Variants in GDI2 observed in about 807,000 individuals in gnomAD.
GDI2 encodes the protein rab GDP dissociation inhibitor beta.
A neutral mutation model predicts 54.2 loss-of-function variants in GDI2; 22 were observed. That is an observed-to-expected ratio of 0.41 (90% confidence interval 0.29 to 0.58). The LOEUF (loss-of-function observed/expected upper bound fraction) is 0.58. Among genes scored for constraint, GDI2 ranks in the 20% least tolerant of loss-of-function variants. The probability of loss-of-function intolerance (pLI) is 0.35; values close to 1 mark genes in which losing one functional copy is unlikely to be tolerated. For synonymous variants in GDI2, 177 were observed against 182.1 expected (o/e 0.97, Z 0.23); for missense variants, 422 against 546.0 (o/e 0.77, Z 2.26).
At chr10:5,800,390 T>A (rs1841242092) in intron 2 of GDI2, among the ~76,000 whole-genome samples, 1 of 152,202 alleles carries the variant, frequency 6.6e-6, no homozygotes, top group South Asian at 2.1e-4. Flanking sequence ...TATTCTCTGT[T>A]AATGCTAAGA....
intron 2 of GDI2, among the ~76,000 whole-genome samples, chr10:5,799,830 CATG>C (rs1841228441): frequency 6.6e-6 from 1 of 152,082 alleles, no homozygotes; most frequent in South Asian, 2.1e-4. Flanking sequence ...GCTCAAGCCT[CATG>C]ATGTCTTATC....
chr10:5,783,578 T>C (rs1482154758), intron 6 of GDI2, among the ~76,000 whole-genome samples: 1 of 152,202 alleles, frequency 6.6e-6, no homozygotes, highest in Non-Finnish European at 1.5e-5. Flanking sequence ...GGAGATACAA[T>C]TTTGGTATTT....
chr10:5,773,043 T>A (rs1489844298), intron 7 of GDI2, among the ~76,000 whole-genome samples: 1 of 152,096 alleles, frequency 6.6e-6, no homozygotes, highest in Non-Finnish European at 1.5e-5. Context: ...TATCAGGCGT[T>A]TTTTGCCCCA....
intron 7 of GDI2, among the ~76,000 whole-genome samples, chr10:5,772,694 G>A (rs927443320): frequency 2.6e-5 from 4 of 152,092 alleles, no homozygotes; most frequent in Admixed American, 6.6e-5. Flanking sequence ...AAGGTGGAGG[G>A]TGAAGTGAGC....
chr10:5,766,342 C>T lies in GDI2; in HGVS notation c.1137-47G>A, dbSNP rs779212242. 3.2e-6 allele frequency: 5 copies of T among 1,540,860 alleles called. No individual in the cohort carries two copies. The highest frequency in any genetic ancestry group is 1.4e-5 in the African/African-American group (1 of 73,448). On this transcript the variant is annotated intron_variant, in intron 9 of 10. Coordinates refer to ENST00000380191, the MANE Select transcript of GDI2 (RefSeq NM_001494.4). This position sits in a 1 kb window ranked among gnomAD's most constrained non-coding sequence, Gnocchi z 5.8. ...TCAGGTGAGCTGGTCCCACACCTGACCATGGCTCTGCCTGAGGTCAACTGA... is the reference window on the plus strand; with the variant it reads ...TCAGGTGAGCTGGTCCCACACCTGATCATGGCTCTGCCTGAGGTCAACTGA...
intron 6 of GDI2, among the ~76,000 whole-genome samples, chr10:5,778,787 AAAC>A (rs1840684735): frequency 6.6e-6 from 1 of 152,230 alleles, no homozygotes; most frequent in Non-Finnish European, 1.5e-5. Flanking sequence ...ACAAATCAGC[AAAC>A]AACAAAAGGA....
At position 5,771,574 on chromosome 10, in the gene GDI2, T is replaced by C. The variant is rs146002654; in HGVS notation, c.819+2268A>G. Among the ~76,000 whole-genome samples the C allele has an allele frequency of 3.4e-3, 517 of 152,338 alleles. 3 individuals are homozygous for C. The highest frequency in any genetic ancestry group is 0.012 in the African/African-American group (490 of 41,580). On this transcript the variant is annotated intron_variant, in intron 7 of 10. Coordinates refer to ENST00000380191, the MANE Select transcript of GDI2 (RefSeq NM_001494.4). Reference sequence around the variant, plus strand: ...AATGGTGTAAAAAAGTCTGTCATTATAGGTGGGTGTCCTGACAAAAAATAA... The same window carrying C: ...AATGGTGTAAAAAAGTCTGTCATTACAGGTGGGTGTCCTGACAAAAAATAA...
chr10:5,778,693 T>C (rs913111651), intron 6 of GDI2, among the ~76,000 whole-genome samples: 20 of 152,342 alleles, frequency 1.3e-4, no homozygotes, highest in Admixed American at 7.2e-4. Flanking sequence ...GGAGGAAATA[T>C]CCTTTGCTTT....
At chr10:5,777,924 G>A (rs1840662587) in intron 6 of GDI2, among the ~76,000 whole-genome samples, 1 of 152,152 alleles carries the variant, frequency 6.6e-6, no homozygotes, top group African/African-American at 2.4e-5. Context: ...AGAAAATGTG[G>A]CACATATACA....
Position 5,778,207 on chromosome 10 carries a change from C to T in GDI2, c.720-4266G>A, listed in dbSNP as rs1270609050. Among the ~76,000 whole-genome samples, 4 of 152,132 alleles carry T rather than the reference C, an allele frequency of 2.6e-5. No homozygotes were observed. The East Asian group carries it at 7.7e-4, about 29-fold the overall frequency. ...TGATGGGTTGATGAGCACAGCAAAACACCATGGCACATGTATACCTATGTA... is the reference window on the plus strand; with the variant it reads ...TGATGGGTTGATGAGCACAGCAAAATACCATGGCACATGTATACCTATGTA... On this transcript the variant is annotated intron_variant, in intron 6 of 10. Transcript: ENST00000380191.
At chr10:5,785,533 G>A (rs947698949) in intron 5 of GDI2, among the ~76,000 whole-genome samples, 31 of 151,882 alleles carry the variant, frequency 2.0e-4, no homozygotes, top group African/African-American at 7.0e-4. Flanking sequence ...CACCACTACC[G>A]CCCAACTAAT....
intron 1 of GDI2, 114 bp from the exon 2 acceptor site, chr10:5,800,819 C>T (rs1264636538): frequency 4.5e-6 from 3 of 670,604 alleles, no homozygotes; most frequent in Non-Finnish European, 8.1e-6. Context: ...TATATTCATG[C>T]AACATGACAT....
At chr10:5,809,919 G>A (rs184311569) in intron 1 of GDI2, among the ~76,000 whole-genome samples, 51 of 152,264 alleles carry the variant, frequency 3.3e-4, no homozygotes, top group African/African-American at 1.2e-3. Flanking sequence ...GCTTAACGCT[G>A]GTTTAAACTG....
intron 6 of GDI2, among the ~76,000 whole-genome samples, chr10:5,782,863 G>A (rs564710163): frequency 2.0e-5 from 3 of 152,332 alleles, no homozygotes; most frequent in East Asian, 3.9e-4. Context: ...AACCCAGGGG[G>A]TGGAGGTTGC....
chr10:5,781,126 G>A (rs1205406460), intron 6 of GDI2, among the ~76,000 whole-genome samples: 51 of 151,528 alleles, frequency 3.4e-4, no homozygotes, highest in Admixed American at 3.0e-3. Flanking sequence ...ACCTAGAAAA[G>A]GAAGTCTTTC....
chr10:5,792,703 CAGA>C lies in GDI2; in HGVS notation c.388+2179_388+2181del, dbSNP rs571374278. 3.2e-4 allele frequency among the ~76,000 whole-genome samples: 40 copies of C among 124,124 alleles called. No homozygotes were observed. In the East Asian group the frequency reaches 7.2e-3, roughly 22 times the overall value. 81.4% of individuals were successfully genotyped at this position (124,124 alleles called of 152,430 possible). On this transcript the variant is annotated intron_variant, in intron 4 of 10. Coordinates refer to ENST00000380191, the MANE Select transcript of GDI2 (RefSeq NM_001494.4). ...TGCGCTTATTCAAAAAAAAAAAAAA[CAGA>C]AGAAGGATAAGCCAGAAAATGATTA...
chr10:5,767,267 G>A (rs1035144067), intron 8 of GDI2, among the ~76,000 whole-genome samples: 1 of 151,240 alleles, frequency 6.6e-6, no homozygotes, highest in Non-Finnish European at 1.5e-5. Flanking sequence ...TGGGAACCTT[G>A]TGGAAGATTA....
At chr10:5,794,368 A>G (rs979314827) in intron 4 of GDI2, among the ~76,000 whole-genome samples, 1 of 151,422 alleles carries the variant, frequency 6.6e-6, no homozygotes, top group Non-Finnish European at 1.5e-5. Context: ...GCTTAGTAAC[A>G]TGATTAAGCA....
rs1439381743 is a variant in GDI2, at chr10:5,774,051, T to C, written c.720-110A>G. 1 of 564,202 alleles carries C rather than the reference T, an allele frequency of 1.8e-6. No homozygotes were observed. Among genetic ancestry groups the C allele is most frequent in the Non-Finnish European group, 3.1e-6 (1 of 324,796 alleles). 34.9% of individuals were successfully genotyped at this position (564,202 alleles called of 1,614,324 possible). A position where few individuals can be genotyped will look rare whatever the true frequency, so the allele number is the denominator to read the frequency against. On this transcript the variant is annotated intron_variant, in intron 6 of 10. Coordinates refer to ENST00000380191, the MANE Select transcript of GDI2 (RefSeq NM_001494.4). The surrounding 1 kb of genome is among the most constrained non-coding windows in gnomAD (Gnocchi z 4.8). ...GACAATATACATTTGTTCAATTTCC[T>C]TCTAGAAAGATGTCAGCTTAGAAGT...
Sources: allele counts gnomAD v4.1 joint callset (sites outside exome capture counted in the v4.1 genomes callset), GRCh38; gene constraint gnomAD v4.1.1; non-coding constraint Gnocchi (gnomAD v3.1); transcripts MANE v1.5; gene names NCBI Gene and HGNC (gene_info 2026-07-23, HGNC 2026-07-21).